The following PDE4D variants were observed in gnomAD, a reference collection of about 807,000 sequenced individuals.
PDE4D encodes 3',5'-cyclic-AMP phosphodiesterase 4D.
PDE4D carries 24 observed loss-of-function variants against 87.4 expected under a neutral mutation model. The observed-to-expected ratio is 0.27, with a 90% confidence interval of 0.20 to 0.39. The LOEUF (loss-of-function observed/expected upper bound fraction) is 0.39. Among genes scored for constraint, PDE4D ranks in the 10% least tolerant of loss-of-function variants. The pLI is 1.00. For missense variants in PDE4D, 714 were observed against 1,041.0 expected, an observed-to-expected ratio of 0.69 and a Z score of 4.32; for synonymous variants, 384 against 383.2, an observed-to-expected ratio of 1.00 and a Z score of -0.02.
chr5:59,973,305 A>T (rs1561930183), intron 3 of PDE4D, among the ~76,000 whole-genome samples: 1 of 152,208 alleles, frequency 6.6e-6, no homozygotes, highest in South Asian at 2.1e-4. Context: ...AAAAATTCAA[A>T]TTATTTTCAC....
chr5:60,105,355 G>C (rs929142536), intron 2 of PDE4D, among the ~76,000 whole-genome samples: 12 of 152,284 alleles, frequency 7.9e-5, no homozygotes, highest in Middle Eastern at 3.4e-3. Context: ...AGAAATATGG[G>C]ACTATGTGAA....
chr5:59,887,037 G>A (rs1750264428), intron 1 of PDE4D, among the ~76,000 whole-genome samples: 1 of 151,978 alleles, frequency 6.6e-6, no homozygotes, highest in Non-Finnish European at 1.5e-5. Context: ...AAGTGGCAAG[G>A]AAAAAACACA....
intron 1 of PDE4D, among the ~76,000 whole-genome samples, chr5:59,853,127 G>A (rs567466745): frequency 1.3e-4 from 20 of 152,114 alleles, no homozygotes; most frequent in Admixed American, 5.9e-4. Context: ...ATGACAAAGT[G>A]GAAACACATG....
At chr5:60,107,512 G>T (rs1328191236) in intron 2 of PDE4D, among the ~76,000 whole-genome samples, 1 of 152,144 alleles carries the variant, frequency 6.6e-6, no homozygotes, top group Non-Finnish European at 1.5e-5. Flanking sequence ...ATTTGATGAG[G>T]CCAGCATCAT....
At chr5:60,435,593 A>G (rs1744696373) in intron 1 of PDE4D, among the ~76,000 whole-genome samples, 2 of 151,976 alleles carry the variant, frequency 1.3e-5, no homozygotes, top group South Asian at 4.2e-4. Flanking sequence ...CTGAAGCCCA[A>G]TATTTTATTT....
intron 6 of PDE4D, among the ~76,000 whole-genome samples, chr5:59,009,108 C>T (rs1047496750): frequency 1.6e-4 from 24 of 152,204 alleles, no homozygotes; most frequent in African/African-American, 5.8e-4. Context: ...AAATTAAATT[C>T]TCATACATTG....
intron 5 of PDE4D, among the ~76,000 whole-genome samples, chr5:59,152,676 C>T (rs191894285): frequency 9.2e-5 from 14 of 151,798 alleles, no homozygotes; most frequent in East Asian, 5.8e-4. Context: ...CTAAATTGAC[C>T]GGTTATTTTG....
intron 7 of PDE4D, among the ~76,000 whole-genome samples, chr5:58,992,473 C>CT (rs1228443946): frequency 2.0e-5 from 3 of 152,106 alleles, no homozygotes; most frequent in Non-Finnish European, 2.9e-5. Context: ...GTATATAAAA[C>CT]TAACAGCTAA....
chr5:60,517,502 AT>A (rs1750854216), intron 1 of PDE4D, among the ~76,000 whole-genome samples: 1 of 152,352 alleles, frequency 6.6e-6, no homozygotes, highest in East Asian at 1.9e-4. Context: ...TCTGAAGCCC[AT>A]AAAACTCCCT....
intron 1 of PDE4D, among the ~76,000 whole-genome samples, chr5:60,205,627 T>C (rs1742420865): frequency 6.6e-6 from 1 of 152,036 alleles, no homozygotes; most frequent in African/African-American, 2.4e-5. Flanking sequence ...GGCTCACGCC[T>C]GTAATCTCAG....
At chr5:60,184,667 A>G (rs1189809185) in intron 2 of PDE4D, among the ~76,000 whole-genome samples, 1 of 152,220 alleles carries the variant, frequency 6.6e-6, no homozygotes, top group Non-Finnish European at 1.5e-5. Flanking sequence ...CTCACCCTTA[A>G]AAGCTGGATG....
At chr5:60,403,622 G>A (rs1267825298) in intron 1 of PDE4D, among the ~76,000 whole-genome samples, 1 of 152,170 alleles carries the variant, frequency 6.6e-6, no homozygotes, top group African/African-American at 2.4e-5. Flanking sequence ...CAGGTATCAT[G>A]TCCCCCATTT....
At chr5:60,052,497 G>C (rs1185159401) in intron 2 of PDE4D, among the ~76,000 whole-genome samples, 1 of 152,030 alleles carries the variant, frequency 6.6e-6, no homozygotes, top group Non-Finnish European at 1.5e-5. Context: ...ACCCCTTCAT[G>C]CTAAAAACTC....
chr5:60,007,156 GGTTA>G (rs1764572104), intron 2 of PDE4D, among the ~76,000 whole-genome samples: 1 of 151,864 alleles, frequency 6.6e-6, no homozygotes, highest in East Asian at 1.9e-4. Flanking sequence ...TTATTTTCTA[GGTTA>G]GTTATAGTAT....
chr5:58,989,011 C>A (rs761093367), intron 10 of PDE4D, among the ~76,000 whole-genome samples: 1 of 152,088 alleles, frequency 6.6e-6, no homozygotes, highest in Non-Finnish European at 1.5e-5. Context: ...ACATTTTGGG[C>A]CCAATAACTC....
intron 1 of PDE4D, among the ~76,000 whole-genome samples, chr5:59,617,099 A>C (rs1349303556): frequency 6.6e-6 from 1 of 151,722 alleles, no homozygotes; most frequent in Non-Finnish European, 1.5e-5. Flanking sequence ...ATGACTAAAA[A>C]TATATCCTCC....
At chr5:59,361,590 C>T (rs1270906354) in intron 1 of PDE4D, among the ~76,000 whole-genome samples, 1 of 152,128 alleles carries the variant, frequency 6.6e-6, no homozygotes, top group African/African-American at 2.4e-5. Flanking sequence ...TCTTCCCTGC[C>T]TCCCCATACC....
intron 1 of PDE4D, among the ~76,000 whole-genome samples, chr5:59,342,878 G>A (rs906468146): frequency 2.0e-5 from 3 of 152,090 alleles, no homozygotes; most frequent in Admixed American, 2.0e-4. Flanking sequence ...TACACATTAC[G>A]GAAGAGCTAA....
intron 2 of PDE4D, among the ~76,000 whole-genome samples, chr5:60,077,769 AG>A (rs1773472867): frequency 6.6e-6 from 1 of 152,140 alleles, no homozygotes; most frequent in Admixed American, 6.5e-5. Context: ...CACTTCTCTA[AG>A]CAGCTCTCTC....
Sources: gnomAD v4.1 joint callset for allele counts (sites outside exome capture counted in the v4.1 genomes callset) on GRCh38, gnomAD v4.1.1 for gene constraint, MANE v1.5 for transcripts, NCBI Gene and HGNC (gene_info 2026-07-23, HGNC 2026-07-21) for gene names.